SART3: variants seen among roughly 807,000 people sequenced by gnomAD.
The protein encoded by SART3 is HIV-1 Tat-interacting protein of 110kDa.
SART3 carries 44 observed loss-of-function variants against 122.3 expected under a neutral mutation model. That is an observed-to-expected ratio of 0.36 (90% CI 0.28 to 0.46). The LOEUF is 0.46. Among genes scored for constraint, SART3 ranks in the 20% least tolerant of loss-of-function variants. The pLI is 1.00. For synonymous variants in SART3, 442 were observed against 454.0 expected (o/e 0.97, Z 0.34); for missense variants, 1,101 against 1,229.0 (o/e 0.90, Z 1.56).
rs952997135 is a variant in SART3, at chr12:108,536,907, G to A, written c.1310-122C>T. 3 of 887,466 alleles carry A rather than the reference G, an allele frequency of 3.4e-6. No homozygotes were observed. In the East Asian group the frequency reaches 7.9e-5, roughly 23 times the overall value. The allele number at this position is 887,466 out of a possible 1,614,324, so 55.0% of individuals were successfully genotyped here. On this transcript the variant is annotated intron_variant, in intron 9 of 18. Coordinates refer to ENST00000546815, the MANE Select transcript of SART3 (RefSeq NM_014706.4). The stretch of plus-strand genomic sequence containing the variant: ...TACCTGGCATCATGCAAGGGACACA[G>A]AAATAAAATTGCCAATTCCTGCCCT...
rs775769686 is a variant in SART3 at position 108,524,372 on chromosome 12, C to T, written c.2658G>A (p.Lys886=). Residue 886 remains lysine, a synonymous_variant, in exon 18 of 19, where the codon AAG becomes AAA. Transcript: ENST00000546815. ...CACCTGGTGCCTTCCTGGTCTCCGG[C>T]TTCTCTGGAACTTTCCTCTGAGGAG... The part of the protein sequence containing the change: ...SNPPQRKVPE[K]PETRKAPGGP... 9.3e-6 allele frequency: 15 copies of T among 1,614,114 alleles called. No individual in the cohort carries two copies. The Admixed American group carries it at 2.0e-4, about 22-fold the overall frequency.
rs934314929 is a variant in SART3 at position 108,526,036 on chromosome 12, G to A, written c.2370+63C>T. 1.2e-5 allele frequency: 15 copies of A among 1,282,012 alleles called. No homozygotes were observed. The East Asian group carries it at 3.2e-4, about 28-fold the overall frequency. 79.4% of individuals were successfully genotyped at this position (1,282,012 alleles called of 1,614,324 possible). ...GTCTATCCTAAATATCACTGCTGCA[G>A]GAAGAAAGTGCCTGTCTAAAGCAAC... is the stretch of plus-strand genomic sequence containing the variant. On this transcript the variant is annotated intron_variant, in intron 16 of 18. Transcript: ENST00000546815.
At chr12:108,525,770 C>G in intron 16 of SART3, 161 bp from the exon 17 acceptor site, 1 of 734,620 alleles carries the variant, frequency 1.4e-6, no homozygotes, top group South Asian at 1.5e-5. Flanking sequence ...GAGCGAGTCA[C>G]TTAACCTCTC....
At chr12:108,535,704 G>A (rs1399754941) in intron 11 of SART3, 8 of 532,538 alleles carry the variant, frequency 1.5e-5, no homozygotes, top group South Asian at 5.6e-5. Flanking sequence ...GAGAGGGAGC[G>A]CACGGTACTT....
intron 15 of SART3, 137 bp from the exon 16 acceptor site, chr12:108,526,690 A>T: frequency 1.1e-6 from 1 of 918,860 alleles, no homozygotes; most frequent in Non-Finnish European, 1.7e-6. Context: ...AGGGGCAAGC[A>T]CCACCCCGAG....
At chr12:108,545,518 A>T (rs1873364707) in intron 3 of SART3, among the ~76,000 whole-genome samples, 195 bp from the exon 4 acceptor site, 1 of 152,222 alleles carries the variant, frequency 6.6e-6, no homozygotes, top group Non-Finnish European at 1.5e-5. Context: ...GATCCTCAGA[A>T]AAAGATAAAT....
At chr12:108,525,923 T>C (rs1370979677) in intron 16 of SART3, 176 bp downstream of exon 16, 4 of 638,610 alleles carry the variant, frequency 6.3e-6, no homozygotes, top group Admixed American at 2.8e-5. Context: ...GAAGGAGCCA[T>C]GCCATGAGTC....
At chr12:108,537,191 C>T (rs1197090088) in intron 9 of SART3, 1 of 440,494 alleles carries the variant, frequency 2.3e-6, no homozygotes, top group African/African-American at 2.0e-5. Flanking sequence ...TTTTCTAAAA[C>T]ACAGCAGACT....
intron 1 of SART3, among the ~76,000 whole-genome samples, chr12:108,558,858 C>A (rs895987679): frequency 6.6e-6 from 1 of 151,916 alleles, no homozygotes; most frequent in Non-Finnish European, 1.5e-5. Context: ...ACGGTGAAAC[C>A]CCATCTCTAC....
rs908150586 is a variant in SART3, at chr12:108,523,356, C to T, written c.*101G>A. On this transcript the variant is annotated 3_prime_UTR_variant, in exon 19 of 19. Coordinates refer to ENST00000546815, the MANE Select transcript of SART3 (RefSeq NM_014706.4). ...GAGGAGCCATCTGTGGTTGCGAGCA[C>T]GCAGCACACCAGGCCTGTCCATCCC... The T allele has an allele frequency of 1.4e-5, 18 of 1,268,930 alleles. No homozygotes were observed. Among genetic ancestry groups the T allele is most frequent in the Admixed American group, 3.4e-5 (2 of 59,524 alleles). The allele number at this position is 1,268,930 out of a possible 1,614,324, so 78.6% of individuals were successfully genotyped here.
chr12:108,548,048 CT>C, intron 2 of SART3, 57 bp from the exon 3 acceptor site: 1 of 1,445,350 alleles, frequency 6.9e-7, no homozygotes, highest in Non-Finnish European at 9.6e-7. Flanking sequence ...AGCGCAGGGA[CT>C]TTACCAAGAG....
At chr12:108,557,053 A>C (rs1236753540) in intron 1 of SART3, among the ~76,000 whole-genome samples, 1 of 152,182 alleles carries the variant, frequency 6.6e-6, no homozygotes, top group Non-Finnish European at 1.5e-5. Context: ...AAAATGATGA[A>C]GATACTATAT....
At chr12:108,540,209 AC>A (rs1307306332) in intron 6 of SART3, among the ~76,000 whole-genome samples, 1 of 152,216 alleles carries the variant, frequency 6.6e-6, no homozygotes, top group Non-Finnish European at 1.5e-5. Context: ...ATTTATACAA[AC>A]CGCTGACTTC....
At chr12:108,524,036 A>G in intron 18 of SART3, 1 of 563,048 alleles carries the variant, frequency 1.8e-6, no homozygotes, top group South Asian at 2.1e-5. Flanking sequence ...CACAGATCCA[A>G]CTGGCAAAGG....
In SART3 at chr12:108,545,313, A is replaced by C. The variant is rs774467179; in HGVS notation, c.555T>G (p.Ile185Met). The change falls in exon 4 of 19, where the codon ATT becomes ATG. Residue 185 changes from isoleucine (I) to methionine (M), a missense_variant. Transcript: ENST00000546815. The stretch of plus-strand genomic sequence containing the variant: ...CTGAGTACTGGCCATACTCTAGCCA[A>C]ATGTTAGGACCTAAAAATAAGAAGT... ...KAVKDYICPN[I>M]WLEYGQYSVG... 1 of 1,614,206 alleles carries C rather than the reference A, an allele frequency of 6.2e-7. No homozygotes were observed. Among genetic ancestry groups the C allele is most frequent in the Non-Finnish European group, 8.5e-7 (1 of 1,180,010 alleles).
chr12:108,557,217 T>TC (rs1411644972), intron 1 of SART3, among the ~76,000 whole-genome samples: 1 of 143,986 alleles, frequency 6.9e-6, no homozygotes, highest in Non-Finnish European at 1.5e-5. Context: ...TTTTTTTTTT[T>TC]TTTTTTTTTT....
chr12:108,532,094 A>C, intron 13 of SART3, 128 bp downstream of exon 13: 1 of 753,046 alleles, frequency 1.3e-6, no homozygotes, highest in Admixed American at 2.0e-5. Flanking sequence ...TGACAGTCTA[A>C]TCATAGGGCA....
Position 108,526,164 on chromosome 12 carries a change from T to C in SART3, c.2305A>G (p.Ser769Gly). The C allele has an allele frequency of 6.2e-7, 1 of 1,614,244 alleles. No individual in the cohort carries two copies. The highest frequency in any genetic ancestry group is 1.1e-5 in the South Asian group (1 of 91,088). Residue 769 changes from serine (S) to glycine (G), a missense_variant, in exon 16 of 19, where the codon AGT becomes GGT. This residue lies in a region of SART3 where 885 missense variants were observed against 1,080.1 expected (regional missense o/e 0.82). Transcript: ENST00000546815. ...ALQALEMDRK[S>G]VEGRPMFVSP... ...ACAAACATTGGCCTCCCTTCTACAC[T>C]TTTCCGGTCCATCTCCAGTGCCTGA...
Position 108,549,173 on chromosome 12 carries a change from C to T in SART3, c.354G>A (p.Leu118=), listed in dbSNP as rs1206308636. ...NVYDYNCHVD[L]IRLLRLEGEL... is the part of the protein sequence containing the mutation. ...CCCCTTCCAGCCTGAGCAGTCTGAT[C>T]AAGTCCACATGGCAGTTGTAGTCAT... The change falls in exon 2 of 19, where the codon TTG becomes TTA. Residue 118 remains leucine (L), a synonymous_variant. Coordinates refer to ENST00000546815, the MANE Select transcript of SART3 (RefSeq NM_014706.4). The T allele has an allele frequency of 6.2e-7, 1 of 1,614,186 alleles. No individual in the cohort carries two copies. The highest frequency in any genetic ancestry group is 2.2e-5 in the East Asian group (1 of 44,886).
Sources: gnomAD v4.1 joint callset for allele counts (sites outside exome capture counted in the v4.1 genomes callset) on GRCh38, gnomAD v4.1.1 for gene constraint, gnomAD v4.1.1 regional missense constraint, MANE v1.5 for transcripts, NCBI Gene and HGNC (gene_info 2026-07-23, HGNC 2026-07-21) for gene names.